Variants in PCDH7 observed in about 807,000 individuals in gnomAD.
The protein encoded by PCDH7 is protocadherin-7.
In PCDH7, 17 loss-of-function variants were observed where a neutral mutation model predicts 58.9. The observed-to-expected ratio is 0.29, with a 90% CI of 0.20 to 0.43. The LOEUF is 0.43. Among genes scored for constraint, PCDH7 ranks in the 20% least tolerant of loss-of-function variants. The pLI, the probability that PCDH7 is intolerant of heterozygous loss-of-function variation, is 1.00. For missense variants in PCDH7, 1,274 were observed against 1,441.0 expected (o/e 0.88, Z 1.88); for synonymous variants, 664 against 616.4 (o/e 1.08, Z -1.14).
intron 3 of PCDH7, among the ~76,000 whole-genome samples, chr4:31,085,234 A>G (rs991416258): frequency 6.6e-6 from 1 of 151,904 alleles, no homozygotes; most frequent in Admixed American, 6.6e-5. Flanking sequence ...GTGGGGCCGC[A>G]AGATCAGATG....
chr4:30,984,760 G>A (rs914470380), intron 3 of PCDH7, among the ~76,000 whole-genome samples: 13 of 152,114 alleles, frequency 8.5e-5, no homozygotes, highest in African/African-American at 2.9e-4. Context: ...GGCAATAAAG[G>A]TAATTCCAGT....
chr4:31,099,658 C>T (rs1177550087), intron 3 of PCDH7, among the ~76,000 whole-genome samples: 2 of 152,244 alleles, frequency 1.3e-5, no homozygotes, highest in African/African-American at 2.4e-5. Context: ...ACTATTTTCC[C>T]TATTTCACAT....
chr4:30,889,625 A>C (rs549048216), intron 1 of PCDH7, among the ~76,000 whole-genome samples: 30 of 152,274 alleles, frequency 2.0e-4, no homozygotes, highest in African/African-American at 7.0e-4. Flanking sequence ...AGGCTGGAAA[A>C]TTCAAGATCA....
intron 3 of PCDH7, among the ~76,000 whole-genome samples, chr4:30,955,599 T>C (rs1747776229): frequency 6.6e-6 from 1 of 151,850 alleles, no homozygotes; most frequent in Admixed American, 6.6e-5. Context: ...TGGAGTGCAG[T>C]GAGCAGTGGC....
At chr4:30,871,510 G>T (rs1578118127) in intron 1 of PCDH7, among the ~76,000 whole-genome samples, 1 of 152,054 alleles carries the variant, frequency 6.6e-6, no homozygotes, top group Admixed American at 6.6e-5. Flanking sequence ...TGGGGGCAGG[G>T]AAAAGTAGCC....
chr4:31,069,461 A>G (rs1040479746), intron 3 of PCDH7, among the ~76,000 whole-genome samples: 1 of 152,106 alleles, frequency 6.6e-6, no homozygotes, highest in African/African-American at 2.4e-5. Flanking sequence ...AAACCAAAAA[A>G]TTAGCAGAGA....
intron 1 of PCDH7, among the ~76,000 whole-genome samples, chr4:30,766,093 T>G (rs1241358094): frequency 7.4e-6 from 1 of 135,978 alleles, no homozygotes; most frequent in Non-Finnish European, 1.5e-5. Context: ...GCCAGACAGA[T>G]CTCTCCCATT....
In PCDH7 at chr4:30,816,834, G is replaced by A. The variant is rs546196278; in HGVS notation, c.70+92238G>A. On this transcript the variant is annotated intron_variant, in intron 1 of 3. Transcript: ENST00000509759. ...TGGGATATTTATCAGAAAGAATAGG[G>A]AAAAGGGGCATTTTTTGGATTTACT... 2.6e-5 allele frequency among the ~76,000 whole-genome samples: 4 copies of A among 152,106 alleles called. No individual in the cohort carries two copies. The South Asian group carries it at 8.3e-4, about 32-fold the overall frequency.
chr4:30,745,158 C>T (rs1717604797), intron 1 of PCDH7, among the ~76,000 whole-genome samples: 1 of 152,102 alleles, frequency 6.6e-6, no homozygotes, highest in Non-Finnish European at 1.5e-5. Context: ...TACACCCTCC[C>T]ATGGCAACTT....
chr4:30,996,876 CAT>C (rs1751944595), intron 3 of PCDH7, among the ~76,000 whole-genome samples: 1 of 152,130 alleles, frequency 6.6e-6, no homozygotes, highest in South Asian at 2.1e-4. Context: ...CGTCTTTTAA[CAT>C]ATTATACTCT....
chr4:30,899,497 T>A lies in PCDH7; in HGVS notation c.71-20656T>A, dbSNP rs149807482. 3.9e-4 allele frequency among the ~76,000 whole-genome samples: 60 copies of A among 152,290 alleles called. No individual in the cohort carries two copies. The East Asian group carries it at 0.011, about 29-fold the overall frequency. ...AGGCTAATCTTATTTGAGCCTGCCCTATATGAGGTGGAATATACTATATCA... is the reference window on the plus strand; with the variant it reads ...AGGCTAATCTTATTTGAGCCTGCCCAATATGAGGTGGAATATACTATATCA... On this transcript the variant is annotated intron_variant, in intron 1 of 3. Transcript: ENST00000509759.
intron 3 of PCDH7, among the ~76,000 whole-genome samples, chr4:31,082,877 GGTGGGCGGATC>G (rs1711720349): frequency 6.6e-6 from 1 of 152,174 alleles, no homozygotes; most frequent in Admixed American, 6.5e-5. Context: ...CAAGGGCCAA[GGTGGGCGGATC>G]ACGAGGTCAG....
intron 2 of PCDH7, among the ~76,000 whole-genome samples, chr4:30,925,311 G>A (rs1409778591): frequency 1.3e-5 from 2 of 152,096 alleles, no homozygotes; most frequent in Non-Finnish European, 2.9e-5. Context: ...ATGAGATAAA[G>A]GACCTCCTCT....
intron 3 of PCDH7, among the ~76,000 whole-genome samples, chr4:31,103,122 T>C (rs998269915): frequency 1.3e-5 from 2 of 152,218 alleles, no homozygotes; most frequent in Non-Finnish European, 2.9e-5. Context: ...ACAGGTCTCC[T>C]TACAAGACGT....
intron 3 of PCDH7, among the ~76,000 whole-genome samples, chr4:31,033,397 G>T (rs777874910): frequency 6.6e-6 from 1 of 152,200 alleles, no homozygotes; most frequent in Non-Finnish European, 1.5e-5. Context: ...ACAGAAGATA[G>T]CATTTCAATG....
intron 1 of PCDH7, among the ~76,000 whole-genome samples, chr4:30,795,161 T>A (rs983082725): frequency 5.3e-5 from 8 of 152,184 alleles, no homozygotes; most frequent in African/African-American, 1.9e-4. Context: ...TTGTATACAT[T>A]TTGAGATGGA....
intron 1 of PCDH7, among the ~76,000 whole-genome samples, chr4:30,897,095 A>G (rs1407489999): frequency 6.6e-6 from 1 of 150,608 alleles, no homozygotes; most frequent in East Asian, 1.9e-4. Context: ...TAGTAGACAC[A>G]CGGTTTCACT....
intron 1 of PCDH7, among the ~76,000 whole-genome samples, chr4:30,913,337 A>T (rs796616479): frequency 6.6e-6 from 1 of 152,104 alleles, no homozygotes. Context: ...TCACAAAACA[A>T]AATAAAAAAT....
At chr4:31,038,229 T>A (rs1430776012) in intron 3 of PCDH7, among the ~76,000 whole-genome samples, 3 of 152,246 alleles carry the variant, frequency 2.0e-5, no homozygotes, top group African/African-American at 7.2e-5. Flanking sequence ...GATCAGTGTT[T>A]AAGATTTATC....
Sources: gnomAD v4.1 joint callset for allele counts (sites outside exome capture counted in the v4.1 genomes callset) on GRCh38, gnomAD v4.1.1 for gene constraint, MANE v1.5 for transcripts, NCBI Gene and HGNC (gene_info 2026-07-23, HGNC 2026-07-21) for gene names.